EIF4A3: variants seen among roughly 807,000 people sequenced by gnomAD.
EIF4A3 encodes eukaryotic initiation factor 4A-III.
EIF4A3 carries 1 observed loss-of-function variant against 55.6 expected under a neutral mutation model. The observed-to-expected ratio is 0.02, with a 90% CI of 0.01 to 0.09. EIF4A3 has a LOEUF of 0.09. Ranked by LOEUF, EIF4A3 falls within the 10% of genes least tolerant of loss-of-function variation. EIF4A3 has a pLI of 1.00. For synonymous variants in EIF4A3, 194 were observed against 196.3 expected, an observed-to-expected ratio of 0.99 and a Z score of 0.10; for missense variants, 221 against 540.7, an observed-to-expected ratio of 0.41 and a Z score of 5.86.
In EIF4A3 at chr17:80,135,315, G is replaced by T; in HGVS notation, c.*175C>A. 1.6e-6 allele frequency: 1 copy of T among 621,118 alleles called. No individual in the cohort carries two copies. The highest frequency in any genetic ancestry group is 2.6e-6 in the Non-Finnish European group (1 of 378,042). 38.5% of individuals were successfully genotyped at this position (621,118 alleles called of 1,614,324 possible). ...ACTTAGAACAATGTATTATTTACATGTAAATAAGAAAAGAGAGCAGAATCC... is the reference window on the plus strand; with the variant it reads ...ACTTAGAACAATGTATTATTTACATTTAAATAAGAAAAGAGAGCAGAATCC... On this transcript the variant is annotated 3_prime_UTR_variant, in exon 12 of 12. Coordinates refer to ENST00000649764, the MANE Select transcript of EIF4A3 (RefSeq NM_014740.4).
chr17:80,141,298 C>G (rs1328889374), intron 4 of EIF4A3, 21 bp downstream of exon 4: 8 of 1,607,284 alleles, frequency 5.0e-6, no homozygotes, highest in African/African-American at 1.3e-5. Context: ...AATCGGACAC[C>G]GCTATCTTTA....
chr17:80,145,595 A>G (rs993376438), intron 1 of EIF4A3, among the ~76,000 whole-genome samples: 2 of 152,162 alleles, frequency 1.3e-5, no homozygotes, highest in Admixed American at 6.5e-5. Flanking sequence ...GAAGAGAACT[A>G]CAGGATAAAA....
chr17:80,146,786 C>G lies in EIF4A3; in HGVS notation c.169+7G>C. 1 of 1,604,900 alleles carries G rather than the reference C, an allele frequency of 6.2e-7. No individual in the cohort carries two copies. Among genetic ancestry groups the G allele is most frequent in the Non-Finnish European group, 8.5e-7 (1 of 1,178,334 alleles). ...CCGGCTGGCCCCCGCGGCCCGCGCC[C>G]GCTCACCGTAAGCGTAGATGCCCCG... On this transcript the variant is annotated splice_region_variant and intron_variant, in intron 1 of 11. Coordinates refer to ENST00000649764, the MANE Select transcript of EIF4A3 (RefSeq NM_014740.4).
chr17:80,143,309 G>A (rs2039632620), intron 2 of EIF4A3, among the ~76,000 whole-genome samples: 1 of 152,132 alleles, frequency 6.6e-6, no homozygotes, highest in African/African-American at 2.4e-5. Context: ...CACTAAATGT[G>A]TTTCCCTGAG....
At chr17:80,145,219 C>T (rs115935871) in intron 1 of EIF4A3, among the ~76,000 whole-genome samples, 3,541 of 152,268 alleles carry the variant, frequency 0.023, 147 homozygotes, top group African/African-American at 0.081. Context: ...TTTTTCACCA[C>T]GCATCCTCAG....
Position 80,139,656 on chromosome 17 carries a change from T to C in EIF4A3, c.586+14A>G, listed in dbSNP as rs1316445994. 6.2e-7 allele frequency: 1 copy of C among 1,608,008 alleles called. No individual in the cohort carries two copies. Reference sequence around the variant, plus strand: ...ATTATGTCAGTAGAAGAGTAATTCTTTTGTTGCTCATACCTTTATTCAACA... The same window carrying C: ...ATTATGTCAGTAGAAGAGTAATTCTCTTGTTGCTCATACCTTTATTCAACA... On this transcript the variant is annotated intron_variant, in intron 6 of 11. Transcript: ENST00000649764.
intron 11 of EIF4A3, 44 bp from the exon 12 acceptor site, chr17:80,135,550 A>ATTTTC: frequency 6.6e-7 from 1 of 1,512,664 alleles, no homozygotes; most frequent in Non-Finnish European, 8.9e-7. Context: ...ACACAAACAA[A>ATTTTC]ATGAAAATTT....
chr17:80,143,879 G>C (rs1219396113), intron 2 of EIF4A3, among the ~76,000 whole-genome samples: 3 of 152,118 alleles, frequency 2.0e-5, no homozygotes, highest in Non-Finnish European at 4.4e-5. Context: ...ACTTGGGAGG[G>C]TGAGGCAGGA....
rs147614217 is a variant in EIF4A3, at chr17:80,139,951, T to C, written c.505+57A>G. ...AAATCGAAAGCTGTCCTGTACCATT[T>C]AAGCACTTCTTACAAATACTACCGG... is the stretch of plus-strand genomic sequence containing the variant. On this transcript the variant is annotated intron_variant, in intron 5 of 11. Transcript: ENST00000649764. 84 of 1,587,332 alleles carry C rather than the reference T, an allele frequency of 5.3e-5. No individual in the cohort carries two copies. In the African/African-American group the frequency reaches 9.8e-4, roughly 19 times the overall value.
At chr17:80,142,703 CCACTGCATTCCCGCCTGG>C (rs1200080717) in intron 2 of EIF4A3, among the ~76,000 whole-genome samples, 26 of 152,056 alleles carry the variant, frequency 1.7e-4, no homozygotes, top group Non-Finnish European at 1.3e-4. Flanking sequence ...TATGACTGCA[CCACTGCATTCCCGCCTGG>C]GTGACGAAGT....
At chr17:80,140,266 C>T in intron 4 of EIF4A3, 126 bp from the exon 5 acceptor site, 2 of 1,183,034 alleles carry the variant, frequency 1.7e-6, no homozygotes, top group Non-Finnish European at 2.2e-6. Context: ...ATCTCGAAAC[C>T]ACAAAATTCT....
chr17:80,141,415 C>T (rs780100237), intron 3 of EIF4A3, 34 bp from the exon 4 acceptor site: 20 of 1,601,274 alleles, frequency 1.2e-5, no homozygotes, highest in Middle Eastern at 3.3e-4. Context: ...ATAGAGAATC[C>T]GCAGTATTAT....
chr17:80,139,469 G>T, intron 6 of EIF4A3: 1 of 632,658 alleles, frequency 1.6e-6, no homozygotes, highest in Non-Finnish European at 2.7e-6. Context: ...AATAGAGGCT[G>T]GCCTGAGTCA....
chr17:80,138,588 T>A (rs978116467), intron 7 of EIF4A3: 5 of 379,276 alleles, frequency 1.3e-5, no homozygotes, highest in African/African-American at 1.0e-4. Flanking sequence ...ATGAGGATTA[T>A]AAAAGATGGG....
Position 80,141,852 on chromosome 17 carries a change from T to C in EIF4A3, c.243-4A>G. On this transcript the variant is annotated splice_region_variant and splice_polypyrimidine_tract_variant and intron_variant, in intron 2 of 11. Coordinates refer to ENST00000649764, the MANE Select transcript of EIF4A3 (RefSeq NM_014740.4). Reference sequence around the variant, plus strand: ...TTTTCCTGTGCCGGACTGAGACCTATTCAAGGAAACAAAAGCAGTGGGATT... The same window carrying C: ...TTTTCCTGTGCCGGACTGAGACCTACTCAAGGAAACAAAAGCAGTGGGATT... 6.2e-7 allele frequency: 1 copy of C among 1,613,674 alleles called. No homozygotes were observed. The highest frequency in any genetic ancestry group is 2.2e-5 in the East Asian group (1 of 44,882).
At chr17:80,139,532 G>T in intron 6 of EIF4A3, 138 bp downstream of exon 6, 2 of 796,508 alleles carry the variant, frequency 2.5e-6, no homozygotes, top group South Asian at 1.9e-5. Flanking sequence ...GTTCATAATT[G>T]CCAAGGCACA....
chr17:80,142,438 C>G (rs1242738571), intron 2 of EIF4A3, among the ~76,000 whole-genome samples: 1 of 152,194 alleles, frequency 6.6e-6, no homozygotes, highest in Non-Finnish European at 1.5e-5. Flanking sequence ...CCCTGCCTTT[C>G]AGATTGTGAG....
At chr17:80,137,544 A>G (rs920373394) in intron 8 of EIF4A3, 43 bp from the exon 9 acceptor site, 1 of 1,524,018 alleles carries the variant, frequency 6.6e-7, no homozygotes, top group Non-Finnish European at 9.0e-7. Context: ...CTAGTATACC[A>G]AAGCAGAGAT....
chr17:80,136,071 G>C lies in EIF4A3; in HGVS notation c.1152C>G (p.Asp384Glu). Residue 384 changes from aspartate (D) to glutamate (E), a missense_variant, in exon 11 of 12, where the codon GAC becomes GAG. By Grantham distance (45) the Asp-to-Glu change is conservative (BLOSUM62 2). Around this residue, in one of 4 missense-constraint regions of EIF4A3, gnomAD observed 93 missense variants for 278.5 expected, o/e 0.33. Coordinates refer to ENST00000649764, the MANE Select transcript of EIF4A3 (RefSeq NM_014740.4). ...CGATATCTCTGAGGATGCGGATGTC[G>C]TCATTCTTTACAAAGTTAATGGCCA... ...KGVAINFVKN[D>E]DIRILRDIEQ... 6.2e-7 allele frequency: 1 copy of C among 1,614,156 alleles called. No homozygotes were observed.
Sources: gnomAD v4.1 joint callset for allele counts (sites outside exome capture counted in the v4.1 genomes callset) on GRCh38, gnomAD v4.1.1 for gene constraint, gnomAD v4.1.1 regional missense constraint, MANE v1.5 for transcripts, NCBI Gene and HGNC (gene_info 2026-07-23, HGNC 2026-07-21) for gene names.